Variants in SHISA9 observed in about 807,000 individuals in gnomAD.
SHISA9 encodes protein shisa-9.
In SHISA9, 13 loss-of-function variants were observed where a neutral mutation model predicts 38.0. That is an observed-to-expected ratio of 0.34 (90% confidence interval 0.22 to 0.54). SHISA9 has a LOEUF of 0.54. Ranked by LOEUF, SHISA9 falls within the 20% of genes least tolerant of loss-of-function variation. The pLI is 0.91. For missense variants in SHISA9, 538 were observed against 575.8 expected (o/e 0.93, Z 0.67); for synonymous variants, 275 against 242.0 (o/e 1.14, Z -1.27).
chr16:12,993,009 A>G (rs553341953), intron 2 of SHISA9, among the ~76,000 whole-genome samples: 119 of 152,336 alleles, frequency 7.8e-4, no homozygotes, highest in Non-Finnish European at 1.6e-3. Flanking sequence ...ACCATTTGGC[A>G]CACACTGCTT....
At chr16:13,464,230 G>T in the SHISA9 span, among the ~76,000 whole-genome samples, 1,121 of 152,312 alleles carry the variant, frequency 7.4e-3, 11 homozygotes, top group African/African-American at 0.025. Flanking sequence ...TTAATTAAGG[G>T]TAGCTCTAAA....
chr16:13,562,027 G>A, the SHISA9 span, among the ~76,000 whole-genome samples: 11,606 of 152,230 alleles, frequency 0.076, 594 homozygotes, highest in Non-Finnish European at 0.11. Context: ...TGATGGCCTT[G>A]TCCTCACCTT....
Position 12,902,158 on chromosome 16 carries a change from C to G in SHISA9, c.94C>G (p.Leu32Val). Residue 32 changes from leucine to valine, a missense_variant, in exon 1 of 5, where the codon CTG becomes GTG. By Grantham distance (32) the Leu-to-Val change is conservative (BLOSUM62 1). Transcript: ENST00000558583. ...RAQERAGHGQ[L>V]AQLGGVLLLA... ...GCAGGAGCGAGCGGGACACGGGCAG[C>G]TGGCGCAACTGGGCGGCGTGTTGCT... 6.5e-7 allele frequency: 1 copy of G among 1,526,810 alleles called. No homozygotes were observed. The highest frequency in any genetic ancestry group is 1.2e-5 in the South Asian group (1 of 83,158). The allele number at this position is 1,526,810 out of a possible 1,614,324, so 94.6% of individuals were successfully genotyped here. A position where few individuals can be genotyped will look rare whatever the true frequency, so the allele number is the denominator to read the frequency against.
intron 2 of SHISA9, among the ~76,000 whole-genome samples, chr16:13,140,291 C>A (rs1042894172): frequency 6.6e-6 from 1 of 151,766 alleles, no homozygotes; most frequent in African/African-American, 2.4e-5. Flanking sequence ...ATTCTCCTGT[C>A]TCAGCCTCCT....
chr16:13,342,194 T>C, the SHISA9 span, among the ~76,000 whole-genome samples: 2 of 152,178 alleles, frequency 1.3e-5, no homozygotes, highest in Non-Finnish European at 2.9e-5. Context: ...AAACTGATCA[T>C]ATCTATTATT....
At chr16:13,007,230 C>T (rs2072609579) in intron 2 of SHISA9, among the ~76,000 whole-genome samples, 1 of 152,140 alleles carries the variant, frequency 6.6e-6, no homozygotes, top group African/African-American at 2.4e-5. Flanking sequence ...CATTGTCTCC[C>T]ACTCTGGACC....
At chr16:12,978,574 A>C (rs1245307859) in intron 2 of SHISA9, among the ~76,000 whole-genome samples, 2 of 152,222 alleles carry the variant, frequency 1.3e-5, no homozygotes, top group Admixed American at 1.3e-4. Context: ...TAAGGACATC[A>C]ATATTTGCTT....
At chr16:13,345,984 T>C in the SHISA9 span, among the ~76,000 whole-genome samples, 2 of 152,160 alleles carry the variant, frequency 1.3e-5, no homozygotes, top group African/African-American at 4.8e-5. Context: ...TAAAAATTTC[T>C]GTAAGTTTAA....
At chr16:12,909,877 G>C (rs2071158185) in intron 1 of SHISA9, 1 of 103,232 alleles carries the variant, frequency 9.7e-6, no homozygotes, top group Admixed American at 1.1e-4. Context: ...CTTCCTTCGA[G>C]ACACAGTCGT....
At chr16:13,251,744 G>C in the SHISA9 span, among the ~76,000 whole-genome samples, 5 of 152,082 alleles carry the variant, frequency 3.3e-5, no homozygotes, top group African/African-American at 1.2e-4. Context: ...ATAAATACCT[G>C]CACACAGTAC....
chr16:13,498,601 A>G, the SHISA9 span, among the ~76,000 whole-genome samples: 1 of 152,094 alleles, frequency 6.6e-6, no homozygotes. Flanking sequence ...TACTAAAAAT[A>G]CAAACATTAG....
chr16:13,173,515 G>T (rs2050706099), intron 2 of SHISA9, among the ~76,000 whole-genome samples: 1 of 152,022 alleles, frequency 6.6e-6, no homozygotes, highest in African/African-American at 2.4e-5. Flanking sequence ...TGCCCGCGTG[G>T]ACCTAACAAT....
intron 4 of SHISA9, among the ~76,000 whole-genome samples, chr16:13,219,390 A>G (rs1370215124): frequency 6.6e-6 from 1 of 152,224 alleles, no homozygotes; most frequent in Non-Finnish European, 1.5e-5. Flanking sequence ...CTGGGAAATG[A>G]GAATCAACCA....
chr16:13,483,151 CTGAT>C, the SHISA9 span, among the ~76,000 whole-genome samples: 1 of 152,154 alleles, frequency 6.6e-6, no homozygotes, highest in Non-Finnish European at 1.5e-5. Context: ...TTCCAAGTGC[CTGAT>C]ACAGGCTTGC....
rs2073239899 is a variant in SHISA9, at chr16:13,050,589, C to T, written c.691+133774C>T. Among the ~76,000 whole-genome samples, 9 of 152,322 alleles carry T rather than the reference C, an allele frequency of 5.9e-5. No individual in the cohort carries two copies. In the South Asian group the frequency reaches 1.2e-3, roughly 21 times the overall value. ...TCAAGCGGTCCGCTCTCTTCAGCCTCCCAAAGTGCTGGGATTACAGGCATG... is the reference window on the plus strand; with the variant it reads ...TCAAGCGGTCCGCTCTCTTCAGCCTTCCAAAGTGCTGGGATTACAGGCATG... On this transcript the variant is annotated intron_variant, in intron 2 of 4. Transcript: ENST00000558583.
intron 2 of SHISA9, among the ~76,000 whole-genome samples, chr16:12,925,172 G>C (rs1186075999): frequency 6.6e-6 from 1 of 152,044 alleles, no homozygotes; most frequent in African/African-American, 2.4e-5. Flanking sequence ...GTGTGCATGG[G>C]AGTGTTTGTT....
At chr16:13,347,393 T>C in the SHISA9 span, among the ~76,000 whole-genome samples, 1 of 152,160 alleles carries the variant, frequency 6.6e-6, no homozygotes, top group Non-Finnish European at 1.5e-5. Context: ...ACACATCTTT[T>C]ATTGAGTCCA....
the SHISA9 span, among the ~76,000 whole-genome samples, chr16:13,444,982 C>CTATATATATATATATATATA: frequency 1.1e-4 from 12 of 106,316 alleles, no homozygotes; most frequent in South Asian, 4.0e-4. Context: ...CCATGCCTAG[C>CTATATATATATATATATATA]TATATATATA....
intron 2 of SHISA9, among the ~76,000 whole-genome samples, chr16:12,979,474 A>G (rs2141821490): frequency 6.6e-6 from 1 of 152,282 alleles, no homozygotes; most frequent in Non-Finnish European, 1.5e-5. Context: ...CCATGCTCCA[A>G]ACGAAAGCTA....
Sources: gnomAD v4.1 joint callset for allele counts (sites outside exome capture counted in the v4.1 genomes callset) on GRCh38, gnomAD v4.1.1 for gene constraint, MANE v1.5 for transcripts, NCBI Gene and HGNC (gene_info 2026-07-23, HGNC 2026-07-21) for gene names.